The following IPO13 variants were observed in gnomAD, a reference collection of about 807,000 sequenced individuals.
The protein encoded by IPO13 is importin 13.
A neutral mutation model predicts 115.5 loss-of-function variants in IPO13; 28 were observed. The observed-to-expected ratio is 0.24, with a 90% confidence interval of 0.18 to 0.33. The LOEUF is 0.33. Ranked by LOEUF, IPO13 falls within the 10% of genes least tolerant of loss-of-function variation. IPO13 has a pLI of 1.00. For missense variants in IPO13, 785 were observed against 1,204.6 expected (o/e 0.65, Z 5.16); for synonymous variants, 414 against 478.9 (o/e 0.86, Z 1.77).
chr1:43,950,146 G>T lies in IPO13; in HGVS notation c.814G>T (p.Ala272Ser). The T allele has an allele frequency of 6.2e-7, 1 of 1,606,094 alleles. No individual in the cohort carries two copies. The highest frequency in any genetic ancestry group is 1.7e-4 in the Middle Eastern group (1 of 6,038). Residue 272 changes from alanine to serine, a missense_variant, in exon 2 of 20, where the codon GCC becomes TCC. Coordinates refer to ENST00000372343, the MANE Select transcript of IPO13 (RefSeq NM_014652.4). ...TGTGAATGCCATCTCACAGCCTGAT[G>T]CCCAGAGGTGAGCTAGTACCCACTC... ...AIVNAISQPD[A>S]QRYVNTLLKL...
rs905948925 is a variant in IPO13 at position 43,956,100 on chromosome 1, A to G, written c.822-220A>G. Among the ~76,000 whole-genome samples, 2 of 151,972 alleles carry G rather than the reference A, an allele frequency of 1.3e-5. No homozygotes were observed. The highest frequency in any genetic ancestry group is 4.8e-5 in the African/African-American group (2 of 41,344). On this transcript the variant is annotated intron_variant, in intron 2 of 19. Coordinates refer to ENST00000372343, the MANE Select transcript of IPO13 (RefSeq NM_014652.4). This position sits in a 1 kb window ranked among gnomAD's most constrained non-coding sequence, Gnocchi z 4.7. The stretch of plus-strand genomic sequence containing the variant: ...TTCAACCCATAATGCTGACCTTCTC[A>G]TACGTCCTTCTCAGAGTTCTTCTGG...
chr1:43,956,742 A>G lies in IPO13; in HGVS notation c.1104+41A>G, dbSNP rs753520443. ...CTCCAGTAGGACTGGGCTGTGGTGGAAGAAGGTGGATCATGGGCTTCTATG... is the reference window on the plus strand; with the variant it reads ...CTCCAGTAGGACTGGGCTGTGGTGGGAGAAGGTGGATCATGGGCTTCTATG... On this transcript the variant is annotated intron_variant, in intron 4 of 19. Coordinates refer to ENST00000372343, the MANE Select transcript of IPO13 (RefSeq NM_014652.4). The surrounding 1 kb of genome is among the most constrained non-coding windows in gnomAD (Gnocchi z 4.7). 1 of 1,613,904 alleles carries G rather than the reference A, an allele frequency of 6.2e-7. No individual in the cohort carries two copies. Among genetic ancestry groups the G allele is most frequent in the Admixed American group, 1.7e-5 (1 of 60,020 alleles).
chr1:43,958,243 A>T lies in IPO13; in HGVS notation c.1724A>T (p.Asp575Val). The T allele has an allele frequency of 1.2e-6, 2 of 1,614,038 alleles. No individual in the cohort carries two copies. The highest frequency in any genetic ancestry group is 1.7e-6 in the Non-Finnish European group (2 of 1,180,008). The change falls in exon 9 of 20, where the codon GAT becomes GTT. Residue 575 changes from aspartate (D) to valine (V), a missense_variant and splice_region_variant. Physicochemically the swap from Asp to Val is radical, Grantham distance 152. This residue lies in a region of IPO13 where 175 missense variants were observed against 360.0 expected (regional missense o/e 0.49). Coordinates refer to ENST00000372343, the MANE Select transcript of IPO13 (RefSeq NM_014652.4). The surrounding 1 kb of genome is among the most constrained non-coding windows in gnomAD (Gnocchi z 6.3). ...YAANIVAVSQDVLMKQIHKTS... is the reference protein window; with the variant it reads ...YAANIVAVSQVVLMKQIHKTS... ...TACATTCCTTCTTTCTCCCCTCAGG[A>T]TGTGCTGATGAAACAGATCCACAAG...
chr1:43,949,725 T>C lies in IPO13; in HGVS notation c.393T>C (p.Ala131=), dbSNP rs758900435. 1.2e-6 allele frequency: 2 copies of C among 1,614,188 alleles called. No homozygotes were observed. The highest frequency in any genetic ancestry group is 2.2e-5 in the East Asian group (1 of 44,882). Residue 131 remains alanine, a synonymous_variant, in exon 2 of 20, where the codon GCT becomes GCC. Coordinates refer to ENST00000372343, the MANE Select transcript of IPO13 (RefSeq NM_014652.4). ...TGTGCGTGGCACTGGCCTCACTGGC[T>C]CTCAGCATGATGCCTGACGCTTGGC... ...TRLCVALASL[A]LSMMPDAWPC... is the part of the protein sequence containing the mutation.
intron 11 of IPO13, among the ~76,000 whole-genome samples, 172 bp from the exon 12 acceptor site, chr1:43,960,077 G>A (rs776994378): frequency 3.9e-5 from 6 of 152,102 alleles, no homozygotes; most frequent in Non-Finnish European, 7.4e-5. Context: ...TTTCATTCAT[G>A]AGAGAGTTCA....
rs781092759 is a variant in IPO13 at position 43,960,855 on chromosome 1, C to T, written c.2110-21C>T. 1.5e-5 allele frequency: 24 copies of T among 1,613,418 alleles called. No individual in the cohort carries two copies. The South Asian group carries it at 2.1e-4, about 14-fold the overall frequency. On this transcript the variant is annotated intron_variant, in intron 12 of 19. Coordinates refer to ENST00000372343, the MANE Select transcript of IPO13 (RefSeq NM_014652.4). ...GCCAGTCATGACCTGCTGACCAGGG[C>T]CCCTTTGCTTTCTTCCCAAGGCGGT...
rs748071342 is a variant in IPO13 at position 43,949,803 on chromosome 1, G to A, written c.471G>A (p.Val157=). The A allele has an allele frequency of 6.2e-7, 1 of 1,614,076 alleles. No homozygotes were observed. ...VRLFQAEDSP[V]DGQGRCLALL... ...TCTTCCAGGCTGAGGACTCACCAGT[G>A]GATGGGCAGGGCCGCTGCCTAGCCC... is the stretch of plus-strand genomic sequence containing the variant. Residue 157 remains valine, a synonymous_variant, in exon 2 of 20, where the codon GTG becomes GTA. Transcript: ENST00000372343.
rs370354902 is a variant in IPO13, at chr1:43,953,509, G to A, written c.822-2811G>A. ...GTGAGCTGCATCCAGCCCAGAATCC[G>A]AGCCTGGCCCTTGCTCTCCCCAGTC... On this transcript the variant is annotated intron_variant, in intron 2 of 19. Transcript: ENST00000372343. 2.0e-5 allele frequency: 3 copies of A among 152,296 alleles called. No individual in the cohort carries two copies. The East Asian group carries it at 5.8e-4, about 29-fold the overall frequency. The allele number at this position is 152,296 out of a possible 1,614,324, so 9.4% of individuals were successfully genotyped here. A position where few individuals can be genotyped will look rare whatever the true frequency, so the allele number is the denominator to read the frequency against.
chr1:43,965,907 C>T (rs912976293), intron 15 of IPO13: 4 of 164,044 alleles, frequency 2.4e-5, no homozygotes, highest in Admixed American at 2.3e-4. Context: ...CCAGTCATGT[C>T]CTGGTACCAC....
intron 1 of IPO13, among the ~76,000 whole-genome samples, chr1:43,948,297 G>T (rs1242105933): frequency 1.3e-5 from 2 of 152,138 alleles, no homozygotes; most frequent in Non-Finnish European, 2.9e-5. Flanking sequence ...TCCCTGCCAT[G>T]GCCCTCCCAG....
intron 2 of IPO13, among the ~76,000 whole-genome samples, chr1:43,955,801 G>T (rs1377127710): frequency 1.3e-5 from 2 of 152,056 alleles, no homozygotes; most frequent in African/African-American, 4.8e-5. Context: ...ACCCATGACA[G>T]TCTGCCCTCT....
chr1:43,956,955 A>G lies in IPO13; in HGVS notation c.1250A>G (p.Lys417Arg). 6.2e-7 allele frequency: 1 copy of G among 1,614,198 alleles called. No homozygotes were observed. The highest frequency in any genetic ancestry group is 8.5e-7 in the Non-Finnish European group (1 of 1,180,032). The change falls in exon 5 of 20, where the codon AAG becomes AGG. Residue 417 changes from lysine (K) to arginine (R), a missense_variant. Transcript: ENST00000372343. The surrounding 1 kb of genome is among the most constrained non-coding windows in gnomAD (Gnocchi z 4.7). ...TATGGATTCTGGTCCTCAGACGAGA[A>G]GGAGCAGTTCCGAATTTACAGGTGA... ...EEYGFWSSDE[K>R]EQFRIYRVDI...
In IPO13 at chr1:43,967,839, C is replaced by A; in HGVS notation, c.*157C>A. 1.4e-6 allele frequency: 1 copy of A among 701,330 alleles called. No individual in the cohort carries two copies. The allele number at this position is 701,330 out of a possible 1,614,324, so 43.4% of individuals were successfully genotyped here. ...GGCCTGGGGGAAGGATGGGAGGATG[C>A]TTGGACCCAGGCCTTGGGAGGGAAT... On this transcript the variant is annotated 3_prime_UTR_variant, in exon 20 of 20. Transcript: ENST00000372343. This position sits in a 1 kb window ranked among gnomAD's most constrained non-coding sequence, Gnocchi z 6.1.
At chr1:43,962,882 T>A (rs1190532246) in intron 14 of IPO13, among the ~76,000 whole-genome samples, 1 of 152,222 alleles carries the variant, frequency 6.6e-6, no homozygotes, top group African/African-American at 2.4e-5. Flanking sequence ...GTTTCTTCTC[T>A]CTGCATCCCC....
chr1:43,957,863 C>A, intron 7 of IPO13, 114 bp from the exon 8 acceptor site: 1 of 996,290 alleles, frequency 1.0e-6, no homozygotes, highest in Non-Finnish European at 1.6e-6. Flanking sequence ...TGGGGCAGTA[C>A]TCTGTGCTGG....
rs1408603627 is a variant in IPO13, at chr1:43,958,976, T to C, written c.2028+87T>C. 6 of 1,297,174 alleles carry C rather than the reference T, an allele frequency of 4.6e-6. No individual in the cohort carries two copies. The highest frequency in any genetic ancestry group is 6.6e-6 in the Non-Finnish European group (6 of 912,498). 80.4% of individuals were successfully genotyped at this position (1,297,174 alleles called of 1,614,324 possible). On this transcript the variant is annotated intron_variant, in intron 11 of 19. Coordinates refer to ENST00000372343, the MANE Select transcript of IPO13 (RefSeq NM_014652.4). The surrounding 1 kb of genome is among the most constrained non-coding windows in gnomAD (Gnocchi z 6.3). The stretch of plus-strand genomic sequence containing the variant: ...TGGGAATGTCATTGTCACTCTTCAA[T>C]TCTGTGGGTAATGTTGTCATTGTTC...
rs750090898 is a variant in IPO13 at position 43,949,592 on chromosome 1, C to T, written c.260C>T (p.Ser87Phe). The T allele has an allele frequency of 6.2e-7, 1 of 1,614,232 alleles. No homozygotes were observed. Among genetic ancestry groups the T allele is most frequent in the Non-Finnish European group, 8.5e-7 (1 of 1,180,046 alleles). Reference protein sequence around the residue: ...FGASALHIKISRYWSDIPTDQ... With the variant: ...FGASALHIKIFRYWSDIPTDQ... ...GCCAGTGCTCTTCACATCAAGATCTCTCGCTACTGGAGTGACATCCCCACT... is the reference window on the plus strand; with the variant it reads ...GCCAGTGCTCTTCACATCAAGATCTTTCGCTACTGGAGTGACATCCCCACT... The change falls in exon 2 of 20, where the codon TCT becomes TTT. Residue 87 changes from serine to phenylalanine, a missense_variant. By Grantham distance (155) the Ser-to-Phe change is radical. Transcript: ENST00000372343.
At chr1:43,964,674 G>T (rs139484539) in intron 15 of IPO13, among the ~76,000 whole-genome samples, 1 of 152,122 alleles carries the variant, frequency 6.6e-6, no homozygotes, top group African/African-American at 2.4e-5. Context: ...AAGGGTCTGG[G>T]GTACACTGTC....
In IPO13 at chr1:43,949,873, C is replaced by T. The variant is rs749819997; in HGVS notation, c.541C>T (p.Arg181Cys). 8.7e-6 allele frequency: 14 copies of T among 1,612,356 alleles called. No individual in the cohort carries two copies. The highest frequency in any genetic ancestry group is 1.6e-4 in the Middle Eastern group (1 of 6,084). The change falls in exon 2 of 20, where the codon CGC becomes TGC. Residue 181 changes from arginine (R) to cysteine (C), a missense_variant. This residue lies in a region of IPO13 where 325 missense variants were observed against 449.8 expected (regional missense o/e 0.72). Coordinates refer to ENST00000372343, the MANE Select transcript of IPO13 (RefSeq NM_014652.4). Reference protein sequence around the residue: ...TVLPEEFQTSRLPQYRKGLVR... With the variant: ...TVLPEEFQTSCLPQYRKGLVR... ...GCTGCCTGAGGAGTTCCAGACCAGT[C>T]GCCTACCCCAGTACCGCAAAGGCCT... is the stretch of plus-strand genomic sequence containing the variant.
Sources: gnomAD v4.1 joint callset for allele counts (sites outside exome capture counted in the v4.1 genomes callset) on GRCh38, gnomAD v4.1.1 for gene constraint, gnomAD v4.1.1 regional missense constraint, Gnocchi (gnomAD v3.1) non-coding constraint, MANE v1.5 for transcripts, NCBI Gene and HGNC (gene_info 2026-07-23, HGNC 2026-07-21) for gene names.